HHAT: variants seen among roughly 807,000 people sequenced by gnomAD.
The protein encoded by HHAT is protein-cysteine N-palmitoyltransferase HHAT.
Under a neutral mutation model 70.8 loss-of-function variants are expected in HHAT, and 47 were observed. The ratio of observed to expected loss-of-function variants is 0.66; its 90% CI spans 0.53 to 0.85. The LOEUF (loss-of-function observed/expected upper bound fraction) is 0.85, where lower values mean the gene tolerates loss of function less well. Ranked by LOEUF, HHAT falls within the 40% of genes least tolerant of loss-of-function variation. HHAT has a pLI of 0.00. For missense variants in HHAT, 609 were observed against 604.8 expected (o/e 1.01, Z -0.07); for synonymous variants, 228 against 247.6 (o/e 0.92, Z 0.74).
chr1:210,604,162 C>T (rs1276320678), intron 10 of HHAT, among the ~76,000 whole-genome samples: 1 of 152,132 alleles, frequency 6.6e-6, no homozygotes, highest in African/African-American at 2.4e-5. Flanking sequence ...TCACTGCAAC[C>T]TCCACCTCCC....
chr1:210,522,763 C>A (rs2095178528), intron 9 of HHAT, among the ~76,000 whole-genome samples: 1 of 151,650 alleles, frequency 6.6e-6, no homozygotes, highest in South Asian at 2.1e-4. Context: ...TATCTCCTTG[C>A]CCCCCACCCC....
intron 8 of HHAT, among the ~76,000 whole-genome samples, chr1:210,503,684 T>C (rs886460933): frequency 6.6e-6 from 1 of 152,224 alleles, no homozygotes. Context: ...CACCGGGTAG[T>C]GTCCTCCTCT....
intron 8 of HHAT, among the ~76,000 whole-genome samples, chr1:210,507,313 T>C (rs1174556983): frequency 3.9e-5 from 6 of 152,298 alleles, no homozygotes; most frequent in Middle Eastern, 6.8e-3. Flanking sequence ...CTTAAGGTGC[T>C]TTTTCCATCT....
chr1:210,410,492 G>A (rs1391006987), intron 6 of HHAT, among the ~76,000 whole-genome samples: 1 of 122,504 alleles, frequency 8.2e-6, no homozygotes, highest in Non-Finnish European at 1.8e-5. Flanking sequence ...AAGTTGGATT[G>A]TTTTTCTTTT....
intron 3 of HHAT, among the ~76,000 whole-genome samples, chr1:210,384,565 A>G (rs2090900342): frequency 6.6e-6 from 1 of 152,128 alleles, no homozygotes; most frequent in Admixed American, 6.5e-5. Context: ...GCTTGTGTCC[A>G]CTTTGAGGTT....
At chr1:210,460,217 G>T (rs1457465211) in intron 7 of HHAT, among the ~76,000 whole-genome samples, 1 of 152,176 alleles carries the variant, frequency 6.6e-6, no homozygotes, top group Non-Finnish European at 1.5e-5. Context: ...CCTAGGACCT[G>T]CCCAGATTTA....
chr1:210,335,123 A>C (rs939857503), intron 1 of HHAT, among the ~76,000 whole-genome samples: 5 of 152,322 alleles, frequency 3.3e-5, no homozygotes, highest in African/African-American at 1.2e-4. Flanking sequence ...GCTCATAAAG[A>C]CAGACACATA....
In HHAT at chr1:210,387,599, G is replaced by T; in HGVS notation, c.273+18G>T. ...CAAGAAAGGTATGATTATATGTGTT[G>T]TTACCTTTTAAGTGTGTTTTTCCTT... On this transcript the variant is annotated intron_variant, in intron 4 of 11. Transcript: ENST00000261458. 1 of 1,578,750 alleles carries T rather than the reference G, an allele frequency of 6.3e-7. No homozygotes were observed.
At chr1:210,413,813 C>T (rs145670031) in intron 6 of HHAT, among the ~76,000 whole-genome samples, 1 of 152,340 alleles carries the variant, frequency 6.6e-6, no homozygotes, top group East Asian at 1.9e-4. Context: ...GAGGCTTTCT[C>T]TGCAGCTCTT....
chr1:210,537,398 C>T (rs1048267413), intron 9 of HHAT, among the ~76,000 whole-genome samples: 4 of 152,156 alleles, frequency 2.6e-5, no homozygotes, highest in African/African-American at 9.7e-5. Context: ...TGCATTCCGT[C>T]CCAGCGCAAT....
chr1:210,340,485 A>G (rs765128603), intron 1 of HHAT, among the ~76,000 whole-genome samples: 1 of 152,120 alleles, frequency 6.6e-6, no homozygotes, highest in East Asian at 1.9e-4. Flanking sequence ...TTCAGTGGGC[A>G]TGTGCTTCTT....
At chr1:210,495,256 T>A in intron 8 of HHAT, among the ~76,000 whole-genome samples, 1 of 150,884 alleles carries the variant, frequency 6.6e-6, no homozygotes, top group East Asian at 1.9e-4. Context: ...ATGCTTAATA[T>A]ATATTTTCCA....
intron 9 of HHAT, among the ~76,000 whole-genome samples, chr1:210,564,679 C>G (rs1394224237): frequency 6.6e-6 from 1 of 152,044 alleles, no homozygotes; most frequent in Non-Finnish European, 1.5e-5. Flanking sequence ...CAGAAATTAT[C>G]TAAAGAGGAA....
intron 8 of HHAT, among the ~76,000 whole-genome samples, chr1:210,479,378 A>G (rs1477364330): frequency 2.0e-5 from 3 of 152,232 alleles, no homozygotes; most frequent in Non-Finnish European, 2.9e-5. Flanking sequence ...CTGACAAGTA[A>G]TGTGTCACAA....
chr1:210,526,504 A>G (rs2095252235), intron 9 of HHAT, among the ~76,000 whole-genome samples: 1 of 152,090 alleles, frequency 6.6e-6, no homozygotes, highest in Non-Finnish European at 1.5e-5. Flanking sequence ...AGAATTAAAC[A>G]AAATTAGAGC....
chr1:210,480,918 G>A (rs1420728527), intron 8 of HHAT, among the ~76,000 whole-genome samples: 1 of 152,102 alleles, frequency 6.6e-6, no homozygotes, highest in African/African-American at 2.4e-5. Context: ...TTCACTGATC[G>A]AACAAATATT....
intron 8 of HHAT, among the ~76,000 whole-genome samples, chr1:210,496,010 C>CCAAAAAAA (rs765143288): frequency 1.5e-5 from 1 of 67,960 alleles, no homozygotes; most frequent in African/African-American, 6.8e-5. Context: ...AACTCTATCT[C>CCAAAAAAA]AAAAAAAAAA....
At position 210,338,906 on chromosome 1, in the gene HHAT, C is replaced by A. The variant is rs192397803; in HGVS notation, c.-44+9802C>A. On this transcript the variant is annotated intron_variant, in intron 1 of 11. Coordinates refer to ENST00000261458, the MANE Select transcript of HHAT (RefSeq NM_018194.6). The stretch of plus-strand genomic sequence containing the variant: ...AAAACACAACAATCAGAACTGCTAG[C>A]CAGGCACAGTGGTGTGCACCTGGGA... 9.5e-4 allele frequency among the ~76,000 whole-genome samples: 144 copies of A among 152,246 alleles called. No homozygotes were observed. In the South Asian group the frequency reaches 0.017, roughly 18 times the overall value.
At chr1:210,445,877 C>CT (rs112654722) in intron 7 of HHAT, among the ~76,000 whole-genome samples, 7,852 of 147,342 alleles carry the variant, frequency 0.053, 653 homozygotes, top group African/African-American at 0.18. Context: ...GTTACAGGCT[C>CT]TTTTTTTTTT....
Sources: gnomAD v4.1 joint callset for allele counts (sites outside exome capture counted in the v4.1 genomes callset) on GRCh38, gnomAD v4.1.1 for gene constraint, MANE v1.5 for transcripts, NCBI Gene and HGNC (gene_info 2026-07-23, HGNC 2026-07-21) for gene names.